CSTF3: variants seen among roughly 807,000 people sequenced by gnomAD.
CSTF3 encodes the protein cleavage stimulation factor subunit 3.
Under a neutral mutation model 105.8 loss-of-function variants are expected in CSTF3, and 29 were observed. The observed-to-expected ratio is 0.27, with a 90% CI of 0.20 to 0.37. The LOEUF (loss-of-function observed/expected upper bound fraction) is 0.37, where lower values mean the gene tolerates loss of function less well. Ranked by LOEUF, CSTF3 falls within the 10% of genes least tolerant of loss-of-function variation. The pLI is 1.00. For synonymous variants in CSTF3, 252 were observed against 281.9 expected, an observed-to-expected ratio of 0.89 and a Z score of 1.06; for missense variants, 357 against 879.3, an observed-to-expected ratio of 0.41 and a Z score of 7.51.
intron 3 of CSTF3, among the ~76,000 whole-genome samples, chr11:33,111,309 G>A (rs1855377198): frequency 6.6e-6 from 1 of 152,132 alleles, no homozygotes; most frequent in African/African-American, 2.4e-5. Flanking sequence ...AGCAAAAACA[G>A]TTTAAAAATC....
In CSTF3 at chr11:33,099,619, C is replaced by A. The variant is rs769799632; in HGVS notation, c.925G>T (p.Ala309Ser). The A allele has an allele frequency of 6.2e-7, 1 of 1,600,626 alleles. No individual in the cohort carries two copies. The change falls in exon 11 of 21, where the codon GCA (alanine) becomes TCA (serine). Residue 309 changes from alanine to serine, a missense_variant. By Grantham distance (99) the Ala-to-Ser change is moderately conservative. Transcript: ENST00000323959. The surrounding 1 kb of genome is among the most constrained non-coding windows in gnomAD (Gnocchi z 4.1). ...QYLEQSSKLLAEKGDMNNAKL... is the reference protein window; with the variant it reads ...QYLEQSSKLLSEKGDMNNAKL... ...GAAGGAACACTTACTCCCTTTTCTG[C>A]GAGCAGTTTACTTGACTGCTCAAGA...
intron 3 of CSTF3, among the ~76,000 whole-genome samples, chr11:33,130,157 T>C (rs952364909): frequency 5.3e-5 from 8 of 152,238 alleles, no homozygotes; most frequent in African/African-American, 1.7e-4. Context: ...TAAAATTTCA[T>C]AATCTCAATT....
At chr11:33,157,544 A>G (rs1475354888) in intron 1 of CSTF3, among the ~76,000 whole-genome samples, 4 of 152,206 alleles carry the variant, frequency 2.6e-5, no homozygotes, top group African/African-American at 9.7e-5. Context: ...GGTAATTCCA[A>G]TAGCTCTCTA....
At chr11:33,149,806 G>A (rs1043663611) in intron 1 of CSTF3, among the ~76,000 whole-genome samples, 4 of 152,044 alleles carry the variant, frequency 2.6e-5, no homozygotes. Context: ...ATCACCTGAG[G>A]TCAGGAGTTC....
At chr11:33,102,545 A>G (rs1164711590) in intron 9 of CSTF3, among the ~76,000 whole-genome samples, 4 of 152,224 alleles carry the variant, frequency 2.6e-5, no homozygotes, top group African/African-American at 9.6e-5. Flanking sequence ...GTGGGTAAAC[A>G]AAACACCCAT....
At position 33,147,730 on chromosome 11, in the gene CSTF3, C is replaced by CTGATAACAA. The variant is rs755149791; in HGVS notation, c.28-5745_28-5744insTTGTTATCA. Among the ~76,000 whole-genome samples the CTGATAACAA allele has an allele frequency of 4.6e-5, 7 of 152,114 alleles. 1 individual carries two copies. The highest frequency in any genetic ancestry group is 8.8e-5 in the Non-Finnish European group (6 of 68,028). ...GCTTTAGGTAATCAGTGATAACAAA[C>CTGATAACAA]ACCCAAAACCACTCTGAATCATGGA... On this transcript the variant is annotated intron_variant, in intron 1 of 20. Transcript: ENST00000323959.
At chr11:33,130,036 G>T (rs1380470028) in intron 3 of CSTF3, among the ~76,000 whole-genome samples, 1 of 152,030 alleles carries the variant, frequency 6.6e-6, no homozygotes, top group Non-Finnish European at 1.5e-5. Flanking sequence ...TGGAAATAAA[G>T]ATTTAGTTTT....
In CSTF3 at chr11:33,154,378, C is replaced by G. The variant is rs1450175700; in HGVS notation, c.27+6921G>C. On this transcript the variant is annotated intron_variant, in intron 1 of 20. Transcript: ENST00000323959. ...CCTGTCATTCCAAGTGAATTTTTTG[C>G]TAAAATATTAAGAAAACTGAATATA... is the stretch of plus-strand genomic sequence containing the variant. 4.6e-5 allele frequency among the ~76,000 whole-genome samples: 7 copies of G among 151,238 alleles called. No homozygotes were observed. The East Asian group carries it at 1.2e-3, about 25-fold the overall frequency.
intron 15 of CSTF3, among the ~76,000 whole-genome samples, chr11:33,093,540 A>T (rs1470216146): frequency 6.6e-6 from 1 of 152,238 alleles, no homozygotes; most frequent in Non-Finnish European, 1.5e-5. Context: ...AATGGGTAAA[A>T]ACAGGTGAAA....
intron 3 of CSTF3, 108 bp downstream of exon 3, chr11:33,141,559 C>A: frequency 7.0e-7 from 1 of 1,420,412 alleles, no homozygotes. Flanking sequence ...AAAGGTAAGA[C>A]ACATTTAAAT....
At chr11:33,148,486 C>A (rs999014275) in intron 1 of CSTF3, among the ~76,000 whole-genome samples, 13 of 152,040 alleles carry the variant, frequency 8.6e-5, no homozygotes, top group Admixed American at 6.6e-4. Flanking sequence ...CACTTCAGGT[C>A]AGGAGTTCAA....
Position 33,087,153 on chromosome 11 carries a change from G to T in CSTF3, c.1642-12C>A. On this transcript the variant is annotated splice_polypyrimidine_tract_variant and intron_variant, in intron 17 of 20. Transcript: ENST00000323959. The stretch of plus-strand genomic sequence containing the variant: ...GCACGGGAGACATCCTGAAAATGCA[G>T]AACAGAAGAATCCTAAACCTGAAAA... The T allele has an allele frequency of 6.2e-7, 1 of 1,613,588 alleles. No homozygotes were observed. Among genetic ancestry groups the T allele is most frequent in the Non-Finnish European group, 8.5e-7 (1 of 1,179,752 alleles).
chr11:33,089,052 T>C (rs1214797496), intron 17 of CSTF3, among the ~76,000 whole-genome samples: 1 of 152,148 alleles, frequency 6.6e-6, no homozygotes, highest in Non-Finnish European at 1.5e-5. Context: ...CTGCAACTTT[T>C]AGAGAAATGA....
At chr11:33,148,450 AT>A (rs1855810951) in intron 1 of CSTF3, among the ~76,000 whole-genome samples, 1 of 152,202 alleles carries the variant, frequency 6.6e-6, no homozygotes, top group South Asian at 2.1e-4. Flanking sequence ...TAATCCCAGC[AT>A]TTTGGGAGGC....
At chr11:33,121,562 A>G (rs975271229) in intron 3 of CSTF3, among the ~76,000 whole-genome samples, 6 of 152,210 alleles carry the variant, frequency 3.9e-5, no homozygotes, top group African/African-American at 1.4e-4. Context: ...CACCAAAGGT[A>G]AAGAATTAAG....
chr11:33,087,377 CTT>C (rs1465944592), intron 17 of CSTF3, among the ~76,000 whole-genome samples: 2 of 152,148 alleles, frequency 1.3e-5, no homozygotes, highest in East Asian at 3.8e-4. Context: ...AGTCATTAAA[CTT>C]AGTGTTGCCA....
intron 1 of CSTF3, among the ~76,000 whole-genome samples, chr11:33,151,911 T>C (rs1436379424): frequency 1.3e-5 from 2 of 152,220 alleles, no homozygotes; most frequent in Non-Finnish European, 2.9e-5. Flanking sequence ...GATATCTCAT[T>C]GTGGTTTTGA....
At chr11:33,092,189 G>T (rs1855176249) in intron 16 of CSTF3, 82 bp downstream of exon 16, 1 of 882,700 alleles carries the variant, frequency 1.1e-6, no homozygotes, top group Non-Finnish European at 1.7e-6. Flanking sequence ...TCATACTCAA[G>T]CAAACATTCA....
intron 13 of CSTF3, 94 bp from the exon 14 acceptor site, chr11:33,097,072 G>T: frequency 1.2e-6 from 1 of 841,542 alleles, no homozygotes; most frequent in Non-Finnish European, 1.7e-6. Context: ...TAGAAAGTAG[G>T]AATTTAGATA....
Sources: allele counts gnomAD v4.1 joint callset (sites outside exome capture counted in the v4.1 genomes callset), GRCh38; gene constraint gnomAD v4.1.1; non-coding constraint Gnocchi (gnomAD v3.1); transcripts MANE v1.5; gene names NCBI Gene and HGNC (gene_info 2026-07-23, HGNC 2026-07-21).